Variants in RIMS2 observed in about 807,000 individuals in gnomAD.
RIMS2 encodes the protein regulating synaptic membrane exocytosis 2.
A neutral mutation model predicts 174.4 loss-of-function variants in RIMS2; 59 were observed. That is an observed-to-expected ratio of 0.34 (90% CI 0.27 to 0.42). The LOEUF (loss-of-function observed/expected upper bound fraction) is 0.42, where lower values mean the gene tolerates loss of function less well. Among genes scored for constraint, RIMS2 ranks in the 10% least tolerant of loss-of-function variants. RIMS2 has a pLI of 1.00. For missense variants in RIMS2, 1,620 were observed against 1,666.3 expected, an observed-to-expected ratio of 0.97 and a Z score of 0.48; for synonymous variants, 606 against 572.5, an observed-to-expected ratio of 1.06 and a Z score of -0.84.
intron 1 of RIMS2, among the ~76,000 whole-genome samples, 198 bp from the exon 2 acceptor site, chr8:103,652,007 T>G (rs1476849095): frequency 6.6e-6 from 1 of 152,154 alleles, no homozygotes; most frequent in Non-Finnish European, 1.5e-5. Context: ...AATATTAGTT[T>G]TCTGTTAAGG....
chr8:103,640,350 A>G (rs2096201611), intron 1 of RIMS2, among the ~76,000 whole-genome samples: 1 of 151,636 alleles, frequency 6.6e-6, no homozygotes, highest in Admixed American at 6.6e-5. Context: ...GGTATTGTTG[A>G]TTTTGTCTAT....
chr8:103,863,225 T>G (rs1329287089), intron 3 of RIMS2, among the ~76,000 whole-genome samples: 1 of 152,190 alleles, frequency 6.6e-6, no homozygotes, highest in African/African-American at 2.4e-5. Context: ...GAGATAATCA[T>G]ATGCTTTTTG....
intron 3 of RIMS2, among the ~76,000 whole-genome samples, chr8:103,843,584 T>C (rs906037370): frequency 5.9e-5 from 9 of 152,224 alleles, no homozygotes; most frequent in Admixed American, 3.3e-4. Context: ...ATCTTTGAAT[T>C]AGTAGTTTTC....
At chr8:104,013,691 T>C in intron 18 of RIMS2, 70 bp downstream of exon 20, 1 of 1,278,480 alleles carries the variant, frequency 7.8e-7, no homozygotes, top group South Asian at 1.3e-5. Context: ...TTCCCAACAG[T>C]TAACTGGTCT....
chr8:104,202,653 C>G (rs2099060833), intron 19 of RIMS2, among the ~76,000 whole-genome samples: 1 of 152,228 alleles, frequency 6.6e-6, no homozygotes, highest in South Asian at 2.1e-4. Context: ...ATGGCCTTTC[C>G]TCTGTTCCAG....
chr8:103,666,973 T>C (rs920392991), intron 1 of RIMS2, among the ~76,000 whole-genome samples: 2 of 152,180 alleles, frequency 1.3e-5, no homozygotes, highest in African/African-American at 2.4e-5. Context: ...GATGACTGTA[T>C]GCAAACATTT....
intron 1 of RIMS2, among the ~76,000 whole-genome samples, chr8:103,526,760 G>A (rs976218785): frequency 6.6e-6 from 1 of 152,126 alleles, no homozygotes; most frequent in African/African-American, 2.4e-5. Context: ...CAGTATGTAG[G>A]AGAAAGAAAA....
Position 103,843,089 on chromosome 8 carries a change from A to G in RIMS2, c.699-42209A>G, listed in dbSNP as rs191328834. Among the ~76,000 whole-genome samples, 847 of 152,352 alleles carry G rather than the reference A, an allele frequency of 5.6e-3. 4 individuals are homozygous for G. Among genetic ancestry groups the G allele is most frequent in the African/African-American group, 0.019 (797 of 41,578 alleles). ...ACCTCTTTAAAGGTCCTATCTCCAA[A>G]TATAGTCACATTCTGAGATGCTGGG... On this transcript the variant is annotated intron_variant, in intron 3 of 23. Transcript: ENST00000504942.
chr8:103,608,978 G>T (rs528100249), intron 1 of RIMS2, among the ~76,000 whole-genome samples: 359 of 152,302 alleles, frequency 2.4e-3, no homozygotes, highest in African/African-American at 8.3e-3. Flanking sequence ...GGGAGCTGTA[G>T]ACCGGAGCTG....
chr8:103,954,699 A>T (rs2086575918), intron 14 of RIMS2, among the ~76,000 whole-genome samples: 1 of 151,712 alleles, frequency 6.6e-6, no homozygotes, highest in Admixed American at 6.6e-5. Context: ...AGAACTAGAG[A>T]AGCAAGAGCA....
chr8:104,062,851 C>T (rs2097027890), intron 19 of RIMS2, among the ~76,000 whole-genome samples: 1 of 151,866 alleles, frequency 6.6e-6, no homozygotes. Flanking sequence ...CTTAAAAGTT[C>T]ATAAAATGTA....
At chr8:103,820,047 T>C (rs2098742390) in intron 3 of RIMS2, among the ~76,000 whole-genome samples, 1 of 152,140 alleles carries the variant, frequency 6.6e-6, no homozygotes, top group Non-Finnish European at 1.5e-5. Flanking sequence ...GAAGATGTTT[T>C]CTAGGTTTAA....
rs74807576 is a variant in RIMS2, at chr8:104,142,801, C to G, written c.3335-102115C>G. Among the ~76,000 whole-genome samples, 134 of 152,244 alleles carry G rather than the reference C, an allele frequency of 8.8e-4. No homozygotes were observed. The East Asian group carries it at 0.024, about 27-fold the overall frequency. On this transcript the variant is annotated intron_variant, in intron 19 of 23. Coordinates refer to ENST00000504942, the Ensembl canonical transcript of RIMS2. ...CTCCCTAACTCTGGACATTTTGTGG[C>G]ATAGACACACACACAGACACACGCG... is the stretch of plus-strand genomic sequence containing the variant.
chr8:103,846,005 T>G (rs918468162), intron 3 of RIMS2, among the ~76,000 whole-genome samples: 1 of 152,138 alleles, frequency 6.6e-6, no homozygotes, highest in Non-Finnish European at 1.5e-5. Flanking sequence ...CAAACCATTC[T>G]TAAACTAGGC....
intron 2 of RIMS2, among the ~76,000 whole-genome samples, chr8:103,726,830 C>A (rs1346344250): frequency 6.7e-6 from 1 of 150,362 alleles, no homozygotes; most frequent in African/African-American, 2.4e-5. Context: ...TCTCCTGGGT[C>A]CCAGTTCAAG....
At chr8:103,902,931 CCAGTATTCCATG>C (rs1436802246) in intron 4 of RIMS2, among the ~76,000 whole-genome samples, 1 of 152,010 alleles carries the variant, frequency 6.6e-6, no homozygotes, top group Non-Finnish European at 1.5e-5. Flanking sequence ...TTTTGCAGAA[CCAGTATTCCATG>C]CAATACACAT....
chr8:103,971,011 A>C (rs1214558082), intron 15 of RIMS2, among the ~76,000 whole-genome samples: 2 of 152,094 alleles, frequency 1.3e-5, no homozygotes, highest in African/African-American at 4.8e-5. Flanking sequence ...AATTCTAGGC[A>C]TGGAGTTTTC....
intron 2 of RIMS2, among the ~76,000 whole-genome samples, chr8:103,763,612 A>G (rs2098135974): frequency 6.6e-6 from 1 of 152,130 alleles, no homozygotes; most frequent in Non-Finnish European, 1.5e-5. Context: ...ATCTAGTCAG[A>G]AAAGGAACAA....
intron 19 of RIMS2, among the ~76,000 whole-genome samples, chr8:104,133,009 C>G (rs1391378169): frequency 6.6e-6 from 1 of 152,152 alleles, no homozygotes. Flanking sequence ...AACCCCTGCT[C>G]TAAGCTAAGG....
Sources: allele counts gnomAD v4.1 joint callset (sites outside exome capture counted in the v4.1 genomes callset), GRCh38; gene constraint gnomAD v4.1.1; transcripts MANE v1.5; gene names NCBI Gene and HGNC (gene_info 2026-07-23, HGNC 2026-07-21).